Variants in RAB40A observed in about 807,000 individuals in gnomAD.
The protein encoded by RAB40A is RAB40A, member RAS oncogene family.
For missense variants in RAB40A, 145 were observed against 230.2 expected, an observed-to-expected ratio of 0.63 and a Z score of 2.40; for synonymous variants, 65 against 99.9, an observed-to-expected ratio of 0.65 and a Z score of 2.08.
At position 103,500,926 on chromosome X, in the gene RAB40A, C is replaced by G. The variant is rs2073223956; in HGVS notation, c.-70-100G>C. 3 of 927,369 alleles carry G rather than the reference C, an allele frequency of 3.2e-6. No individual in the cohort carries two copies. The African/African-American group carries it at 6.0e-5, about 19-fold the overall frequency. 76.4% of individuals were successfully genotyped at this position (927,369 alleles called of 1,213,427 possible). A position where few individuals can be genotyped will look rare whatever the true frequency, so the allele number is the denominator to read the frequency against. On this transcript the variant is annotated intron_variant, in intron 2 of 2. Coordinates refer to ENST00000304236, the MANE Select transcript of RAB40A (RefSeq NM_080879.3). ...GCTTTGATGGATTTCTTTTACAAACCCTAGGAAACTGATTCAGCGATTGTT... is the reference window on the plus strand; with the variant it reads ...GCTTTGATGGATTTCTTTTACAAACGCTAGGAAACTGATTCAGCGATTGTT...
intron 2 of RAB40A, among the ~76,000 whole-genome samples, chrX:103,514,675 T>C (rs2073307701): frequency 1.8e-5 from 2 of 112,054 alleles, no homozygotes; most frequent in Non-Finnish European, 3.8e-5. Flanking sequence ...ATTTCAGTTG[T>C]ACATATAATG....
chrX:103,511,691 C>T (rs1288454738), intron 2 of RAB40A, among the ~76,000 whole-genome samples: 1 of 108,074 alleles, frequency 9.3e-6, no homozygotes, highest in East Asian at 2.9e-4. Flanking sequence ...ACACCGGGGC[C>T]TGTTAGGGGG....
At chrX:103,515,073 T>C (rs1237363877) in intron 2 of RAB40A, among the ~76,000 whole-genome samples, 1 of 111,969 alleles carries the variant, frequency 8.9e-6, no homozygotes, top group Non-Finnish European at 1.9e-5. Context: ...TCCCTAACCA[T>C]TGGGATATAC....
intron 2 of RAB40A, among the ~76,000 whole-genome samples, chrX:103,510,104 G>A (rs1394712278): frequency 1.8e-5 from 2 of 112,005 alleles, no homozygotes; most frequent in African/African-American, 3.2e-5. Flanking sequence ...GTGCCCAACC[G>A]AAATATTCCT....
rs1057431150 is a variant in RAB40A, at chrX:103,499,596, G to T, written c.*327C>A. ...GCCATATCACCATTCTAACAAAGGC[G>T]GTTATTTTAAGGAAAAAGTTGCAGC... On this transcript the variant is annotated 3_prime_UTR_variant, in exon 3 of 3. Coordinates refer to ENST00000304236, the MANE Select transcript of RAB40A (RefSeq NM_080879.3). 6.0e-6 allele frequency: 2 copies of T among 330,907 alleles called. No homozygotes were observed. Among genetic ancestry groups the T allele is most frequent in the Non-Finnish European group, 5.4e-6 (1 of 186,320 alleles). 27.3% of individuals were successfully genotyped at this position (330,907 alleles called of 1,213,427 possible).
downstream of RAB40A, among the ~76,000 whole-genome samples, chrX:103,494,357 C>A (rs2073149857): frequency 8.9e-6 from 1 of 112,163 alleles, no homozygotes; most frequent in African/African-American, 3.2e-5. Flanking sequence ...GGGTAGTCTG[C>A]AAATATTTTC....
chrX:103,510,873 C>A (rs985495776), intron 2 of RAB40A, among the ~76,000 whole-genome samples: 6 of 111,859 alleles, frequency 5.4e-5, no homozygotes, highest in African/African-American at 3.3e-5. Flanking sequence ...TTTGTGGGAA[C>A]CTCATCTACA....
chrX:103,519,236 G>T (rs1229833960), intron 1 of RAB40A, 134 bp downstream of exon 1: 2 of 111,941 alleles, frequency 1.8e-5, no homozygotes, highest in African/African-American at 6.5e-5. Flanking sequence ...TGTGGAGAAT[G>T]TACAGGTTTG....
intron 2 of RAB40A, among the ~76,000 whole-genome samples, chrX:103,504,739 C>T (rs2073246226): frequency 9.0e-6 from 1 of 111,555 alleles, no homozygotes; most frequent in Non-Finnish European, 1.9e-5. Context: ...CCAGGCTGGT[C>T]TTGAACTCCT....
chrX:103,500,937 G>A, intron 2 of RAB40A, 111 bp from the exon 3 acceptor site: 3 of 871,551 alleles, frequency 3.4e-6, no homozygotes, highest in Non-Finnish European at 4.7e-6. Context: ...CTAGGAAACT[G>A]ATTCAGCGAT....
chrX:103,514,740 G>A (rs765357186), intron 2 of RAB40A, among the ~76,000 whole-genome samples: 4 of 111,657 alleles, frequency 3.6e-5, no homozygotes, highest in Non-Finnish European at 5.6e-5. Flanking sequence ...GTTTCTTTAT[G>A]TCTAAAATAT....
rs774176105 is a variant in RAB40A, at chrX:103,500,747, G to A, written c.10C>T (p.Pro4Ser). 27 of 1,207,555 alleles carry A rather than the reference G, an allele frequency of 2.2e-5. No homozygotes were observed. In the Admixed American group the frequency reaches 5.7e-4, roughly 25 times the overall value. Residue 4 changes from proline (P) to serine (S), a missense_variant, in exon 3 of 3, where the codon CCG becomes TCG. Transcript: ENST00000304236. ...TCATAGGCCTGGTCGGGGCTGCCCGGGGCGCTCATGGTGCTGGCCCCGCAC... is the reference window on the plus strand; with the variant it reads ...TCATAGGCCTGGTCGGGGCTGCCCGAGGCGCTCATGGTGCTGGCCCCGCAC... The part of the protein sequence containing the change: MSA[P>S]GSPDQAYDFL...
intron 2 of RAB40A, chrX:103,503,007 TC>T: frequency 5.3e-6 from 4 of 761,902 alleles, no homozygotes; most frequent in Non-Finnish European, 6.3e-6. Context: ...AACACAGACA[TC>T]CATATAAAGA....
chrX:103,505,996 A>G (rs1180738022), intron 2 of RAB40A, among the ~76,000 whole-genome samples: 2 of 112,096 alleles, frequency 1.8e-5, no homozygotes, highest in Non-Finnish European at 3.8e-5. Context: ...CCTGTGTCAT[A>G]AGTGAAAATG....
At chrX:103,512,046 T>C (rs2073293263) in intron 2 of RAB40A, among the ~76,000 whole-genome samples, 1 of 110,872 alleles carries the variant, frequency 9.0e-6, no homozygotes, top group Admixed American at 9.6e-5. Context: ...TCTATGGCCA[T>C]CACCAGATAC....
chrX:103,499,003 A>G (rs1009480135), downstream of RAB40A: 3 of 111,961 alleles, frequency 2.7e-5, no homozygotes, highest in African/African-American at 9.7e-5. Flanking sequence ...TGACTCACCT[A>G]AGGCCTTATA....
downstream of RAB40A, among the ~76,000 whole-genome samples, chrX:103,498,462 G>A (rs2073197010): frequency 8.9e-6 from 1 of 112,810 alleles, no homozygotes; most frequent in Non-Finnish European, 1.9e-5. Context: ...AGATTTGCTT[G>A]GTTATGTTGT....
At chrX:103,509,201 C>G (rs1184845223) in intron 2 of RAB40A, among the ~76,000 whole-genome samples, 1 of 111,364 alleles carries the variant, frequency 9.0e-6, no homozygotes, top group Non-Finnish European at 1.9e-5. Context: ...ACGACTTCTT[C>G]ACGTCAACTT....
chrX:103,499,963 G>A lies in RAB40A; in HGVS notation c.794C>T (p.Pro265Leu). ...KVEIVCPPQS[P>L]PKNCTRNSCK... ...GCTGTTTCTGGTGCAGTTTTTGGGT[G>A]GGCTCTGGGGTGGGCAGACGATCTC... Residue 265 changes from proline to leucine, a missense_variant, in exon 3 of 3, where the codon CCA becomes CTA. Transcript: ENST00000304236. The A allele has an allele frequency of 8.3e-7, 1 of 1,210,731 alleles. No homozygotes were observed. The highest frequency in any genetic ancestry group is 1.8e-5 in the South Asian group (1 of 57,002).
Sources: gnomAD v4.1 joint callset for allele counts (sites outside exome capture counted in the v4.1 genomes callset) on GRCh38, gnomAD v4.1.1 for gene constraint, MANE v1.5 for transcripts, NCBI Gene and HGNC (gene_info 2026-07-23, HGNC 2026-07-21) for gene names.